PEAK1: variants seen among roughly 807,000 people sequenced by gnomAD.
PEAK1 encodes the protein inactive tyrosine-protein kinase PEAK1.
Under a neutral mutation model 124.7 loss-of-function variants are expected in PEAK1, and 54 were observed. The ratio of observed to expected loss-of-function variants is 0.43; its 90% CI spans 0.35 to 0.54. The LOEUF (loss-of-function observed/expected upper bound fraction) is 0.54. Among genes scored for constraint, PEAK1 ranks in the 20% least tolerant of loss-of-function variants. The pLI is 0.01. For synonymous variants in PEAK1, 719 were observed against 760.0 expected, an observed-to-expected ratio of 0.95 and a Z score of 0.89; for missense variants, 2,046 against 2,134.5, an observed-to-expected ratio of 0.96 and a Z score of 0.82.
intron 5 of PEAK1, among the ~76,000 whole-genome samples, chr15:77,277,701 T>A (rs1048569905): frequency 2.6e-5 from 4 of 151,982 alleles, no homozygotes; most frequent in East Asian, 1.9e-4. Flanking sequence ...TAGAAAAAAA[T>A]TATAGCAACT....
chr15:77,336,283 A>C lies in PEAK1; in HGVS notation c.-603+28880T>G, dbSNP rs540565432. On this transcript the variant is annotated intron_variant, in intron 2 of 9. Coordinates refer to ENST00000682557, the MANE Select transcript of PEAK1 (RefSeq NM_001385026.1). The stretch of plus-strand genomic sequence containing the variant: ...AATCATTTACATCTTGCAGAACTAA[A>C]CTGTCCACATGGCTGGTAGGCAGAG... 5 of 985,322 alleles carry C rather than the reference A, an allele frequency of 5.1e-6. No individual in the cohort carries two copies. The East Asian group carries it at 4.5e-4, about 90-fold the overall frequency. 61.0% of individuals were successfully genotyped at this position (985,322 alleles called of 1,614,324 possible).
intron 5 of PEAK1, chr15:77,255,517 A>C: frequency 3.0e-6 from 1 of 335,288 alleles, no homozygotes; most frequent in South Asian, 1.2e-4. Flanking sequence ...GCAAACAAGA[A>C]AAATATTCCC....
At chr15:77,309,720 T>C (rs1011191418) in intron 2 of PEAK1, among the ~76,000 whole-genome samples, 1 of 152,166 alleles carries the variant, frequency 6.6e-6, no homozygotes, top group Non-Finnish European at 1.5e-5. Flanking sequence ...CAAGTAGTAT[T>C]TCAGTCTCAC....
intron 1 of PEAK1, chr15:77,371,030 A>C (rs76759435): frequency 2.2e-6 from 1 of 455,984 alleles, no homozygotes. Context: ...CTCCGTCTCA[A>C]AAAAAAAAAA....
intron 2 of PEAK1, among the ~76,000 whole-genome samples, chr15:77,313,708 ATGTG>A (rs1216011901): frequency 1.1e-3 from 104 of 93,748 alleles, no homozygotes; most frequent in African/African-American, 3.1e-3. Flanking sequence ...ATATATATGT[ATGTG>A]TGTGTGTGTG....
chr15:77,154,003 A>C (rs901515380), intron 8 of PEAK1, among the ~76,000 whole-genome samples: 2 of 152,082 alleles, frequency 1.3e-5, no homozygotes, highest in Non-Finnish European at 2.9e-5. Context: ...TATTAGGTCC[A>C]CTTGGTGCAG....
chr15:77,313,692 G>GTGTGTGTGTGTGTGTGTGTA (rs34603921), intron 2 of PEAK1, among the ~76,000 whole-genome samples: 3 of 98,812 alleles, frequency 3.0e-5, no homozygotes, highest in African/African-American at 8.3e-5. Flanking sequence ...GTGTGTGTGT[G>GTGTGTGTGTGTGTGTGTGTA]TATATATATA....
At chr15:77,313,648 A>ATGTGTGTG (rs1220086755) in intron 2 of PEAK1, among the ~76,000 whole-genome samples, 1,303 of 87,016 alleles carry the variant, frequency 0.015, 15 homozygotes, top group Non-Finnish European at 0.02. Flanking sequence ...GTATGTATGT[A>ATGTGTGTG]TGTATGTGTG....
intron 6 of PEAK1, among the ~76,000 whole-genome samples, chr15:77,237,388 G>C (rs112490292): frequency 7.0e-4 from 104 of 148,022 alleles, no homozygotes; most frequent in Non-Finnish European, 1.1e-3. Flanking sequence ...TAAAATGTTT[G>C]TTATTTCCCA....
rs117179734 is a variant in PEAK1, at chr15:77,224,274, G to C, written c.-115+28093C>G. On this transcript the variant is annotated intron_variant, in intron 6 of 9. Coordinates refer to ENST00000682557, the MANE Select transcript of PEAK1 (RefSeq NM_001385026.1). ...ATTCTTAACATTCCATAACAAAAAGGGCTGAAAAAAGGTTGGTTCACACAG... is the reference window on the plus strand; with the variant it reads ...ATTCTTAACATTCCATAACAAAAAGCGCTGAAAAAAGGTTGGTTCACACAG... Among the ~76,000 whole-genome samples the C allele has an allele frequency of 2.8e-3, 432 of 151,766 alleles. 3 individuals are homozygous for C. The highest frequency in any genetic ancestry group is 4.1e-3 in the Non-Finnish European group (280 of 67,860).
At chr15:77,407,361 A>C (rs923002008) in intron 1 of PEAK1, among the ~76,000 whole-genome samples, 2 of 152,196 alleles carry the variant, frequency 1.3e-5, no homozygotes, top group Non-Finnish European at 2.9e-5. Context: ...AAATCTTCAC[A>C]AACTATGCAT....
At chr15:77,146,240 C>A (rs2054167074) in intron 8 of PEAK1, among the ~76,000 whole-genome samples, 1 of 152,126 alleles carries the variant, frequency 6.6e-6, no homozygotes, top group Non-Finnish European at 1.5e-5. Context: ...GAGGAAGGGG[C>A]CTAATCTACC....
At chr15:77,193,992 C>T (rs1226370259) in intron 6 of PEAK1, among the ~76,000 whole-genome samples, 1 of 152,172 alleles carries the variant, frequency 6.6e-6, no homozygotes, top group Non-Finnish European at 1.5e-5. Flanking sequence ...TTGCTCCTGT[C>T]GTCTGAAGCT....
At position 77,353,049 on chromosome 15, in the gene PEAK1, C is replaced by A. The variant is rs1391686336; in HGVS notation, c.-603+12114G>T. On this transcript the variant is annotated intron_variant, in intron 2 of 9. Coordinates refer to ENST00000682557, the MANE Select transcript of PEAK1 (RefSeq NM_001385026.1). Reference sequence around the variant, plus strand: ...AATAGCAAAGAAAACCATGAACCCTCTGAGGCCAATTTCCATCCAGCTGCA... The same window carrying A: ...AATAGCAAAGAAAACCATGAACCCTATGAGGCCAATTTCCATCCAGCTGCA... 3.1e-6 allele frequency: 3 copies of A among 963,482 alleles called. No individual in the cohort carries two copies. In the East Asian group the frequency reaches 3.4e-4, roughly 111 times the overall value. The allele number at this position is 963,482 out of a possible 1,614,324, so 59.7% of individuals were successfully genotyped here.
chr15:77,319,546 A>G (rs1284496711), intron 2 of PEAK1, among the ~76,000 whole-genome samples: 3 of 152,198 alleles, frequency 2.0e-5, no homozygotes, highest in Non-Finnish European at 4.4e-5. Flanking sequence ...GCTTGTGATG[A>G]TAATGGAAAA....
chr15:77,254,467 C>G (rs560724824), intron 5 of PEAK1, among the ~76,000 whole-genome samples: 1 of 152,098 alleles, frequency 6.6e-6, no homozygotes, highest in African/African-American at 2.4e-5. Context: ...GGGTCTCACT[C>G]TGTCATCCAG....
chr15:77,117,312 A>C (rs2051477903), intron 9 of PEAK1, among the ~76,000 whole-genome samples: 4 of 152,158 alleles, frequency 2.6e-5, no homozygotes, highest in African/African-American at 7.2e-5. Flanking sequence ...GCATTTCACT[A>C]ATTTCTCTGG....
chr15:77,247,642 A>AT (rs1287307231), intron 6 of PEAK1, among the ~76,000 whole-genome samples: 1 of 151,368 alleles, frequency 6.6e-6, no homozygotes, highest in South Asian at 2.1e-4. Context: ...CACCTGGCTA[A>AT]TTTTTTTATT....
chr15:77,397,659 A>G (rs1476584856), intron 1 of PEAK1, among the ~76,000 whole-genome samples: 2 of 152,216 alleles, frequency 1.3e-5, no homozygotes, highest in Non-Finnish European at 2.9e-5. Flanking sequence ...ATGAGTAACC[A>G]CATGTCAATA....
Sources: gnomAD v4.1 joint callset for allele counts (sites outside exome capture counted in the v4.1 genomes callset) on GRCh38, gnomAD v4.1.1 for gene constraint, MANE v1.5 for transcripts, NCBI Gene and HGNC (gene_info 2026-07-23, HGNC 2026-07-21) for gene names.